The following RXFP2 variants were observed in gnomAD, a reference collection of about 807,000 sequenced individuals.
RXFP2 encodes relaxin family peptide receptor 2.
RXFP2 carries 68 observed loss-of-function variants against 88.6 expected under a neutral mutation model. That is an observed-to-expected ratio of 0.77 (90% CI 0.63 to 0.94). The LOEUF is 0.94. RXFP2 is among the 40% of genes least tolerant of loss of function. The pLI, the probability that RXFP2 is intolerant of heterozygous loss-of-function variation, is 0.00. For synonymous variants in RXFP2, 329 were observed against 306.8 expected (o/e 1.07, Z -0.76); for missense variants, 791 against 893.9 (o/e 0.88, Z 1.47).
intron 9 of RXFP2, among the ~76,000 whole-genome samples, chr13:31,779,323 A>C (rs1460869033): frequency 2.0e-5 from 3 of 151,854 alleles, no homozygotes; most frequent in East Asian, 1.9e-4. Context: ...ATGGGGTTTC[A>C]CCATGTTGGC....
chr13:31,786,569 C>T lies in RXFP2; in HGVS notation c.1005C>T (p.Asn335=), dbSNP rs1029385576. 2.6e-6 allele frequency: 4 copies of T among 1,552,864 alleles called. No individual in the cohort carries two copies. The Middle Eastern group carries it at 6.9e-4, about 266-fold the overall frequency. ...CATCTAATGGTAAAAAAAAAAGGAA[C>T]CTGTCATCCAATCCTCTTATGTATC... The part of the protein sequence containing the change: ...FKDLKLLQKL[N]LSSNPLMYLH... The change falls in exon 13 of 18, where the codon AAC becomes AAT. Residue 335 remains asparagine, a synonymous_variant. Transcript: ENST00000298386.
chr13:31,761,243 T>C (rs1211242833), intron 2 of RXFP2, among the ~76,000 whole-genome samples: 1 of 152,132 alleles, frequency 6.6e-6, no homozygotes, highest in African/African-American at 2.4e-5. Context: ...CGAGTGCCGC[T>C]GCACCCAGAA....
intron 1 of RXFP2, among the ~76,000 whole-genome samples, chr13:31,752,283 T>TC (rs971695634): frequency 4.6e-5 from 7 of 151,738 alleles, no homozygotes; most frequent in African/African-American, 1.2e-4. Flanking sequence ...TTCTGCCCCC[T>TC]CCCCCCCAAA....
chr13:31,792,449 G>A (rs973899797), intron 15 of RXFP2, among the ~76,000 whole-genome samples: 5 of 151,844 alleles, frequency 3.3e-5, no homozygotes, highest in South Asian at 2.1e-4. Flanking sequence ...TTCCCATTCC[G>A]ATTTTTTTAA....
At chr13:31,757,245 T>C (rs1871997749) in intron 1 of RXFP2, among the ~76,000 whole-genome samples, 1 of 152,206 alleles carries the variant, frequency 6.6e-6, no homozygotes, top group Non-Finnish European at 1.5e-5. Flanking sequence ...GATAGTCTCA[T>C]AGTGCAATGG....
chr13:31,764,370 G>GT (rs1359424632), intron 3 of RXFP2, among the ~76,000 whole-genome samples: 1 of 151,660 alleles, frequency 6.6e-6, no homozygotes, highest in Non-Finnish European at 1.5e-5. Context: ...TAGTAACTAC[G>GT]TAAGTCCCTT....
At chr13:31,767,602 G>C (rs1210324300) in intron 5 of RXFP2, among the ~76,000 whole-genome samples, 1 of 152,152 alleles carries the variant, frequency 6.6e-6, no homozygotes, top group Non-Finnish European at 1.5e-5. Flanking sequence ...CTATTTTCTA[G>C]AGTCATAGAA....
intron 3 of RXFP2, among the ~76,000 whole-genome samples, chr13:31,762,161 G>A (rs973343042): frequency 6.6e-6 from 1 of 152,224 alleles, no homozygotes; most frequent in Non-Finnish European, 1.5e-5. Context: ...CATCTCACAT[G>A]TAGCAGGAAA....
chr13:31,778,417 T>A (rs1012249255), intron 8 of RXFP2, 95 bp from the exon 9 acceptor site: 2 of 842,364 alleles, frequency 2.4e-6, no homozygotes, highest in African/African-American at 3.4e-5. Flanking sequence ...GATATTAATT[T>A]TAGCACGCAA....
chr13:31,749,355 T>G (rs1339276198), intron 1 of RXFP2, among the ~76,000 whole-genome samples: 2 of 152,220 alleles, frequency 1.3e-5, no homozygotes, highest in Non-Finnish European at 2.9e-5. Context: ...TAATATGTCT[T>G]GCCATACAGA....
intron 11 of RXFP2, 35 bp downstream of exon 11, chr13:31,782,782 C>T: frequency 7.7e-7 from 1 of 1,303,668 alleles, no homozygotes; most frequent in South Asian, 1.2e-5. Context: ...AATATGATTG[C>T]TTCTTCCGAG....
At position 31,772,931 on chromosome 13, in the gene RXFP2, G is replaced by T. The variant is rs114216979; in HGVS notation, c.498-1689G>T. On this transcript the variant is annotated intron_variant, in intron 5 of 17. Coordinates refer to ENST00000298386, the MANE Select transcript of RXFP2 (RefSeq NM_130806.5). ...TAGGTAAAATATACATTCCATTTTTGAATTTCTCATCTTGAATAAAATGTA... is the reference window on the plus strand; with the variant it reads ...TAGGTAAAATATACATTCCATTTTTTAATTTCTCATCTTGAATAAAATGTA... 2.7e-3 allele frequency among the ~76,000 whole-genome samples: 409 copies of T among 152,222 alleles called. 2 individuals carry two copies. The highest frequency in any genetic ancestry group is 9.1e-3 in the African/African-American group (377 of 41,524).
At chr13:31,784,229 C>A (rs903300358) in intron 11 of RXFP2, among the ~76,000 whole-genome samples, 1 of 151,976 alleles carries the variant, frequency 6.6e-6, no homozygotes, top group Non-Finnish European at 1.5e-5. Flanking sequence ...GGCAGAGGCA[C>A]ACCAAAAATA....
chr13:31,787,914 T>C (rs1433177243), intron 13 of RXFP2, among the ~76,000 whole-genome samples: 3 of 152,228 alleles, frequency 2.0e-5, no homozygotes, highest in Non-Finnish European at 4.4e-5. Context: ...GTGCTAGGAT[T>C]ATAGGCGTGA....
At chr13:31,755,926 G>T (rs1161913425) in intron 1 of RXFP2, among the ~76,000 whole-genome samples, 1 of 152,176 alleles carries the variant, frequency 6.6e-6, no homozygotes, top group Non-Finnish European at 1.5e-5. Context: ...AGTCAGAAAA[G>T]ACCCAGAGGT....
chr13:31,779,485 A>G (rs886455548), intron 9 of RXFP2, among the ~76,000 whole-genome samples: 8 of 152,138 alleles, frequency 5.3e-5, no homozygotes, highest in African/African-American at 1.9e-4. Context: ...ATAGGTGCTC[A>G]ATAAGCCTTT....
At chr13:31,768,103 GA>G (rs1872615467) in intron 5 of RXFP2, among the ~76,000 whole-genome samples, 1 of 152,180 alleles carries the variant, frequency 6.6e-6, no homozygotes, top group Non-Finnish European at 1.5e-5. Context: ...AGTGAAAAAA[GA>G]TAGAGACTAA....
At chr13:31,761,051 C>A (rs1398712635) in intron 2 of RXFP2, among the ~76,000 whole-genome samples, 1 of 152,128 alleles carries the variant, frequency 6.6e-6, no homozygotes, top group Non-Finnish European at 1.5e-5. Context: ...ACCTCCTGGG[C>A]TCAAGCTATC....
At chr13:31,757,703 T>G (rs1212750280) in intron 1 of RXFP2, among the ~76,000 whole-genome samples, 1 of 152,254 alleles carries the variant, frequency 6.6e-6, no homozygotes, top group East Asian at 1.9e-4. Flanking sequence ...ACAATACATC[T>G]GGTTTTGTTT....
Sources: gnomAD v4.1 joint callset for allele counts (sites outside exome capture counted in the v4.1 genomes callset) on GRCh38, gnomAD v4.1.1 for gene constraint, MANE v1.5 for transcripts, NCBI Gene and HGNC (gene_info 2026-07-23, HGNC 2026-07-21) for gene names.